Variants in GREB1L observed in about 807,000 individuals in gnomAD.
GREB1L encodes GREB1 like retinoic acid receptor coactivator.
In GREB1L, 17 loss-of-function variants were observed where a neutral mutation model predicts 200.8. That is an observed-to-expected ratio of 0.08 (90% CI 0.06 to 0.13). The LOEUF is 0.13. GREB1L is among the 10% of genes least tolerant of loss of function. The pLI is 1.00. For synonymous variants in GREB1L, 789 were observed against 893.0 expected, an observed-to-expected ratio of 0.88 and a Z score of 2.08; for missense variants, 1,657 against 2,367.7, an observed-to-expected ratio of 0.70 and a Z score of 6.23.
At chr18:21,422,284 T>C (rs1165805650) in intron 7 of GREB1L, among the ~76,000 whole-genome samples, 2 of 152,214 alleles carry the variant, frequency 1.3e-5, no homozygotes, top group African/African-American at 4.8e-5. Context: ...ATTTAGGGGC[T>C]ACTCCCAAAT....
In GREB1L at chr18:21,378,664, C is replaced by T. The variant is rs142244480; in HGVS notation, c.-9-4846C>T. 4.6e-5 allele frequency among the ~76,000 whole-genome samples: 7 copies of T among 152,278 alleles called. No individual in the cohort carries two copies. The South Asian group carries it at 8.3e-4, about 18-fold the overall frequency. On this transcript the variant is annotated intron_variant, in intron 2 of 32. Coordinates refer to ENST00000424526, the MANE Select transcript of GREB1L (RefSeq NM_001142966.3). ...TGCTGGGATTACAGGCGTGAGCCAC[C>T]GCACCTAGCCACCATTATCATTTTT...
intron 17 of GREB1L, among the ~76,000 whole-genome samples, chr18:21,483,183 G>A (rs1231100807): frequency 3.9e-5 from 6 of 152,164 alleles, no homozygotes; most frequent in South Asian, 2.1e-4. Context: ...GATGCAAGGC[G>A]GATGCATCGT....
chr18:21,359,106 G>C (rs1006944125), intron 1 of GREB1L, among the ~76,000 whole-genome samples: 1 of 152,148 alleles, frequency 6.6e-6, no homozygotes, highest in Non-Finnish European at 1.5e-5. Flanking sequence ...ATGGTTACTC[G>C]GGCAGATTTG....
chr18:21,508,234 G>A lies in GREB1L; in HGVS notation c.4485G>A (p.Gln1495=). The change falls in exon 26 of 33, where the codon CAG becomes CAA. Residue 1495 remains glutamine, a synonymous_variant. Coordinates refer to ENST00000424526, the MANE Select transcript of GREB1L (RefSeq NM_001142966.3). ...AGAGTCATTTTGTCTTCAGCAAGCA[G>A]GGCAAGCACCTGGAGAGCATGCGGC... ...SKESHFVFSK[Q]GKHLESMRLP... 6.4e-7 allele frequency: 1 copy of A among 1,551,788 alleles called. No homozygotes were observed. The highest frequency in any genetic ancestry group is 8.7e-7 in the Non-Finnish European group (1 of 1,147,038).
At chr18:21,423,517 A>G (rs1001076037) in intron 7 of GREB1L, among the ~76,000 whole-genome samples, 1 of 152,176 alleles carries the variant, frequency 6.6e-6, no homozygotes, top group Non-Finnish European at 1.5e-5. Flanking sequence ...AATCCACTAG[A>G]TACTCCAAGA....
chr18:21,245,981 C>G (rs1179054877), intron 1 of GREB1L, among the ~76,000 whole-genome samples: 3 of 152,232 alleles, frequency 2.0e-5, no homozygotes, highest in African/African-American at 7.2e-5. Flanking sequence ...CTCAGCCTCC[C>G]AAAGTGCTGG....
chr18:21,340,348 A>C (rs1468303650), intron 1 of GREB1L, among the ~76,000 whole-genome samples: 2 of 151,522 alleles, frequency 1.3e-5, no homozygotes, highest in African/African-American at 4.8e-5. Flanking sequence ...TGAACCCTGG[A>C]GGTGGAGCTT....
chr18:21,348,841 A>T (rs1335908465), intron 1 of GREB1L, among the ~76,000 whole-genome samples: 2 of 152,192 alleles, frequency 1.3e-5, no homozygotes, highest in Non-Finnish European at 2.9e-5. Flanking sequence ...GCTACTCGGG[A>T]AGCTGAGTTG....
intron 19 of GREB1L, among the ~76,000 whole-genome samples, chr18:21,494,685 C>T (rs547468291): frequency 1.3e-5 from 2 of 152,018 alleles, no homozygotes; most frequent in Non-Finnish European, 1.5e-5. Context: ...AAAACGTTAT[C>T]AGAAATGTCA....
At chr18:21,299,279 G>GAA (rs149142489) in intron 1 of GREB1L, among the ~76,000 whole-genome samples, 5 of 100,956 alleles carry the variant, frequency 5.0e-5, no homozygotes, top group Non-Finnish European at 8.6e-5. Context: ...ACTCAGTCTC[G>GAA]AAAAAAAAAA....
intron 1 of GREB1L, among the ~76,000 whole-genome samples, chr18:21,259,391 A>G (rs531316321): frequency 6.6e-6 from 1 of 152,284 alleles, no homozygotes; most frequent in African/African-American, 2.4e-5. Context: ...AACAATAAGT[A>G]AGCTAATAAG....
intron 18 of GREB1L, among the ~76,000 whole-genome samples, chr18:21,487,518 G>A (rs4800738): frequency 0.01 from 1,565 of 152,290 alleles, 96 homozygotes; most frequent in Admixed American, 0.096. Flanking sequence ...TACCTGAAGG[G>A]ACCAGCCCAG....
rs1186943912 is a variant in GREB1L, at chr18:21,490,156, C to T, written c.2835C>T (p.Ser945=). The T allele has an allele frequency of 3.2e-6, 5 of 1,551,798 alleles. No individual in the cohort carries two copies. Among genetic ancestry groups the T allele is most frequent in the Non-Finnish European group, 3.5e-6 (4 of 1,147,016 alleles). The change falls in exon 19 of 33, where the codon AGC becomes AGT. Residue 945 remains serine, a synonymous_variant. Transcript: ENST00000424526. ...ETLSIMDDLI[S]SPGKNKSGRG... Reference sequence around the variant, plus strand: ...TCAGCATTATGGATGACCTCATCAGCTCCCCAGGCAAAAACAAAAGTGGGA... The same window carrying T: ...TCAGCATTATGGATGACCTCATCAGTTCCCCAGGCAAAAACAAAAGTGGGA...
intron 19 of GREB1L, among the ~76,000 whole-genome samples, chr18:21,492,517 T>C (rs559142462): frequency 6.6e-6 from 1 of 152,244 alleles, no homozygotes; most frequent in Non-Finnish European, 1.5e-5. Flanking sequence ...AGAGTCTTAA[T>C]CATGTGTTCA....
intron 17 of GREB1L, among the ~76,000 whole-genome samples, chr18:21,484,952 C>CA (rs1389780955): frequency 6.6e-6 from 1 of 152,120 alleles, no homozygotes; most frequent in African/African-American, 2.4e-5. Context: ...TTCATGAACT[C>CA]AAAAAGCTTA....
Position 21,525,818 on chromosome 18 carries a change from C to T in GREB1L, c.*2997C>T, listed in dbSNP as rs2037677569. ...TTTTGAGAATAACAACTTTGTTGTC[C>T]CAGAAAAATGGCTTTCAATCTATTA... is the stretch of plus-strand genomic sequence containing the variant. On this transcript the variant is annotated 3_prime_UTR_variant, in exon 33 of 33. Coordinates refer to ENST00000424526, the MANE Select transcript of GREB1L (RefSeq NM_001142966.3). 6.6e-6 allele frequency among the ~76,000 whole-genome samples: 1 copy of T among 152,092 alleles called. No individual in the cohort carries two copies. The highest frequency in any genetic ancestry group is 1.9e-4 in the East Asian group (1 of 5,186).
intron 7 of GREB1L, among the ~76,000 whole-genome samples, chr18:21,407,755 A>G (rs924184834): frequency 1.3e-5 from 2 of 152,248 alleles, no homozygotes; most frequent in African/African-American, 2.4e-5. Flanking sequence ...AAAATATGGT[A>G]TATATACACA....
chr18:21,356,140 AT>A (rs34493144), intron 1 of GREB1L, among the ~76,000 whole-genome samples: 288 of 142,086 alleles, frequency 2.0e-3, no homozygotes, highest in Non-Finnish European at 1.9e-3. Context: ...CACCCAACTA[AT>A]TTTTTTTTTT....
rs896495780 is a variant in GREB1L, at chr18:21,339,449, T to G, written c.-119-26578T>G. Reference sequence around the variant, plus strand: ...CTTGAATTTTGATTAACAATTTGATTACAGTTTGGACCATTTTACATATTC... The same window carrying G: ...CTTGAATTTTGATTAACAATTTGATGACAGTTTGGACCATTTTACATATTC... On this transcript the variant is annotated intron_variant, in intron 1 of 32. Coordinates refer to ENST00000424526, the MANE Select transcript of GREB1L (RefSeq NM_001142966.3). 5.9e-5 allele frequency among the ~76,000 whole-genome samples: 9 copies of G among 152,330 alleles called. No individual in the cohort carries two copies. The East Asian group carries it at 1.7e-3, about 29-fold the overall frequency.
Sources: gnomAD v4.1 joint callset for allele counts (sites outside exome capture counted in the v4.1 genomes callset) on GRCh38, gnomAD v4.1.1 for gene constraint, MANE v1.5 for transcripts, NCBI Gene and HGNC (gene_info 2026-07-23, HGNC 2026-07-21) for gene names.